The following AZI2 variants were observed in gnomAD, a reference collection of about 807,000 sequenced individuals.
AZI2 encodes 5-azacytidine-induced protein 2.
Under a neutral mutation model 45.8 loss-of-function variants are expected in AZI2, and 22 were observed. The ratio of observed to expected loss-of-function variants is 0.48; its 90% CI spans 0.34 to 0.69. The LOEUF is 0.69. Ranked by LOEUF, AZI2 falls within the 30% of genes least tolerant of loss-of-function variation. AZI2 has a pLI of 0.01. For missense variants in AZI2, 417 were observed against 441.5 expected (o/e 0.94, Z 0.50); for synonymous variants, 137 against 156.7 (o/e 0.87, Z 0.94).
chr3:28,347,689 T>C (rs1441907613), intron 1 of AZI2, among the ~76,000 whole-genome samples: 1 of 152,208 alleles, frequency 6.6e-6, no homozygotes, highest in Non-Finnish European at 1.5e-5. Flanking sequence ...ATTAAAACCT[T>C]CTACTTGCGT....
chr3:28,324,590 T>C (rs772272115), intron 7 of AZI2, 136 bp from the exon 8 acceptor site: 18 of 700,870 alleles, frequency 2.6e-5, no homozygotes, highest in Non-Finnish European at 3.7e-5. Flanking sequence ...ATTGAGGCAC[T>C]GTGACTAGGA....
chr3:28,332,489 A>G, intron 5 of AZI2, 62 bp from the exon 6 acceptor site: 1 of 1,377,864 alleles, frequency 7.3e-7, no homozygotes, highest in East Asian at 2.3e-5. Flanking sequence ...ATTTAGTCTC[A>G]GCTCTTTCTT....
chr3:28,342,142 A>G (rs1226184775), intron 1 of AZI2, among the ~76,000 whole-genome samples: 1 of 152,072 alleles, frequency 6.6e-6, no homozygotes, highest in Non-Finnish European at 1.5e-5. Flanking sequence ...TTATATCATT[A>G]TATTTTTGCT....
intron 6 of AZI2, among the ~76,000 whole-genome samples, chr3:28,330,029 A>C (rs1703517572): frequency 1.3e-5 from 2 of 151,218 alleles, no homozygotes; most frequent in South Asian, 4.1e-4. Context: ...TAAACCTGGA[A>C]TTTACATTTT....
chr3:28,327,129 G>A (rs548250694), intron 6 of AZI2, 179 bp from the exon 7 acceptor site: 4 of 538,974 alleles, frequency 7.4e-6, no homozygotes, highest in Non-Finnish European at 1.3e-5. Context: ...GATCTTGAAA[G>A]AATAACACTG....
chr3:28,340,318 C>T, intron 2 of AZI2, 84 bp downstream of exon 2: 1 of 938,220 alleles, frequency 1.1e-6, no homozygotes, highest in Non-Finnish European at 1.6e-6. Flanking sequence ...TCATGGAAGA[C>T]AGGACAAAAA....
chr3:28,321,172 A>G lies in AZI2; in HGVS notation c.*2870T>C, dbSNP rs1186475555. 6.6e-6 allele frequency: 1 copy of G among 151,476 alleles called. No homozygotes were observed. The highest frequency in any genetic ancestry group is 1.5e-5 in the Non-Finnish European group (1 of 67,598). 9.4% of individuals were successfully genotyped at this position (151,476 alleles called of 1,614,324 possible). On this transcript the variant is annotated 3_prime_UTR_variant, in exon 8 of 8. Coordinates refer to ENST00000479665, the MANE Select transcript of AZI2 (RefSeq NM_022461.5). The stretch of plus-strand genomic sequence containing the variant: ...TAGAGCAGACAAAAGCAAAGCAAAT[A>G]TAGAAATCTAGAGACCACACAGCAT...
rs1192705232 is a variant in AZI2 at position 28,323,489 on chromosome 3, CAA to C, written c.*551_*552del. ...AATTTTATCAACAAAACACTGTGAC[CAA>C]AAAATCACTTTAAATCTTAAATATT... On this transcript the variant is annotated 3_prime_UTR_variant, in exon 8 of 8. Coordinates refer to ENST00000479665, the MANE Select transcript of AZI2 (RefSeq NM_022461.5). 2 of 150,772 alleles carry C rather than the reference CAA, an allele frequency of 1.3e-5. No individual in the cohort carries two copies. The highest frequency in any genetic ancestry group is 3.9e-4 in the East Asian group (2 of 5,106). The allele number at this position is 150,772 out of a possible 1,614,324, so 9.3% of individuals were successfully genotyped here.
intron 5 of AZI2, 118 bp downstream of exon 5, chr3:28,336,619 C>A (rs531293273): frequency 1.1e-3 from 1,280 of 1,131,338 alleles, no homozygotes; most frequent in Non-Finnish European, 1.5e-3. Context: ...AGGAATAGAA[C>A]ATTCTCTAAA....
intron 5 of AZI2, among the ~76,000 whole-genome samples, chr3:28,333,623 C>T (rs1035901821): frequency 6.6e-6 from 1 of 151,190 alleles, no homozygotes; most frequent in African/African-American, 2.4e-5. Context: ...AATGTTTTTC[C>T]AACTACTATC....
chr3:28,325,529 G>A (rs1703356765), intron 7 of AZI2, among the ~76,000 whole-genome samples: 1 of 150,990 alleles, frequency 6.6e-6, no homozygotes, highest in African/African-American at 2.4e-5. Context: ...TGTGTAAGGA[G>A]TGGTGACCTT....
intron 6 of AZI2, among the ~76,000 whole-genome samples, chr3:28,327,923 G>C (rs914379546): frequency 6.7e-6 from 1 of 150,184 alleles, no homozygotes; most frequent in African/African-American, 2.4e-5. Context: ...CTAGACAAAC[G>C]TGTCACCTTA....
At chr3:28,327,114 G>A (rs769575029) in intron 6 of AZI2, 164 bp from the exon 7 acceptor site, 94 of 557,616 alleles carry the variant, frequency 1.7e-4, no homozygotes, top group Non-Finnish European at 2.7e-4. Context: ...ATTAATAAGT[G>A]AAAAGATCTT....
chr3:28,341,544 G>C (rs2125664592), intron 1 of AZI2: 1 of 152,112 alleles, frequency 6.6e-6, no homozygotes, highest in African/African-American at 2.4e-5. Flanking sequence ...GACTTGCTCT[G>C]AACATCTACT....
At chr3:28,342,370 C>T (rs1704049364) in intron 1 of AZI2, among the ~76,000 whole-genome samples, 1 of 152,006 alleles carries the variant, frequency 6.6e-6, no homozygotes, top group African/African-American at 2.4e-5. Context: ...AAGGTACAAT[C>T]TTTCCCAGTT....
Position 28,334,308 on chromosome 3 carries a change from A to C in AZI2, c.589-1881T>G, listed in dbSNP as rs919207987. On this transcript the variant is annotated intron_variant, in intron 5 of 7. Coordinates refer to ENST00000479665, the MANE Select transcript of AZI2 (RefSeq NM_022461.5). ...GTAATATGGCTAGAGTATTGTGAAC[A>C]TAAATTTCTCTCCTTGGCTTCCTCT... 2.6e-5 allele frequency among the ~76,000 whole-genome samples: 4 copies of C among 151,924 alleles called. No homozygotes were observed. In the Admixed American group the frequency reaches 2.6e-4, roughly 10 times the overall value.
chr3:28,344,242 A>T (rs867148700), intron 1 of AZI2, among the ~76,000 whole-genome samples: 1 of 152,152 alleles, frequency 6.6e-6, no homozygotes, highest in East Asian at 1.9e-4. Flanking sequence ...TAAAATTTTA[A>T]TTACTATCCC....
Position 28,338,528 on chromosome 3 carries a change from C to G in AZI2, c.304G>C (p.Asp102His), listed in dbSNP as rs750017581. Residue 102 changes from aspartate (D) to histidine (H), a missense_variant, in exon 3 of 8, where the codon GAT becomes CAT. Physicochemically the swap from Asp to His is moderately conservative, Grantham distance 81 (BLOSUM62 -1). Coordinates refer to ENST00000479665, the MANE Select transcript of AZI2 (RefSeq NM_022461.5). Reference protein sequence around the residue: ...AYHAYREVCIDRDNLKSKLDK... With the variant: ...AYHAYREVCIHRDNLKSKLDK... ...AGTTTGCTCTTCAAATTATCTCTAT[C>G]AATGCAAACCTCTCGATATGCATGA... 1.4e-5 allele frequency: 23 copies of G among 1,593,672 alleles called. No individual in the cohort carries two copies. In the Admixed American group the frequency reaches 3.9e-4, roughly 27 times the overall value.
chr3:28,338,090 A>G (rs1703868746), intron 3 of AZI2, 54 bp from the exon 4 acceptor site: 1 of 1,046,628 alleles, frequency 9.6e-7, no homozygotes, highest in Non-Finnish European at 1.4e-6. Context: ...ACACGTTGGT[A>G]TATTGTAATT....
Sources: allele counts gnomAD v4.1 joint callset (sites outside exome capture counted in the v4.1 genomes callset), GRCh38; gene constraint gnomAD v4.1.1; transcripts MANE v1.5; gene names NCBI Gene and HGNC (gene_info 2026-07-23, HGNC 2026-07-21).